The following SMARCA2 variants were observed in gnomAD, a reference collection of about 807,000 sequenced individuals.
SMARCA2 encodes SWI/SNF-related matrix-associated actin-dependent regulator of chromatin subfamily A member 2.
Under a neutral mutation model 199.8 loss-of-function variants are expected in SMARCA2, and 61 were observed. The ratio of observed to expected loss-of-function variants is 0.31; its 90% confidence interval spans 0.25 to 0.38. The LOEUF (loss-of-function observed/expected upper bound fraction) is 0.38, where lower values mean the gene tolerates loss of function less well. Ranked by LOEUF, SMARCA2 falls within the 10% of genes least tolerant of loss-of-function variation. The pLI is 1.00. For synonymous variants in SMARCA2, 935 were observed against 732.0 expected (o/e 1.28, Z -4.48); for missense variants, 1,344 against 2,012.2 (o/e 0.67, Z 6.35).
intron 29 of SMARCA2, 95 bp from the exon 30 acceptor site, chr9:2,181,476 A>C: frequency 1.4e-6 from 1 of 721,156 alleles, no homozygotes; most frequent in Non-Finnish European, 2.5e-6. Context: ...CGTGGAATAT[A>C]ATTTACTTTG....
intron 27 of SMARCA2, chr9:2,160,379 T>C (rs1397653577): frequency 1.9e-6 from 1 of 532,436 alleles, no homozygotes; most frequent in Admixed American, 3.2e-5. Flanking sequence ...GTTGCTTCTA[T>C]GGATTTGCAC....
At chr9:2,134,455 AC>A (rs1824107713) in intron 27 of SMARCA2, among the ~76,000 whole-genome samples, 1 of 152,004 alleles carries the variant, frequency 6.6e-6, no homozygotes, top group Non-Finnish European at 1.5e-5. Flanking sequence ...TTGGTTATTA[AC>A]TCTCTTTCCC....
intron 9 of SMARCA2, chr9:2,068,911 A>G (rs1820960727): frequency 6.6e-6 from 1 of 151,980 alleles, no homozygotes; most frequent in Non-Finnish European, 1.5e-5. Flanking sequence ...ACAAGATATG[A>G]CATAACCTTT....
chr9:2,098,675 G>A (rs758278817), intron 21 of SMARCA2, among the ~76,000 whole-genome samples: 2 of 152,090 alleles, frequency 1.3e-5, no homozygotes, highest in African/African-American at 2.4e-5. Context: ...TGGGTGCAGG[G>A]GGCTCACCCC....
At chr9:2,081,228 C>G (rs921539054) in intron 14 of SMARCA2, among the ~76,000 whole-genome samples, 9 of 152,142 alleles carry the variant, frequency 5.9e-5, no homozygotes, top group African/African-American at 2.2e-4. Flanking sequence ...TGTTTTTGTA[C>G]TTCAGAAATA....
At chr9:2,052,364 C>T (rs773956477) in intron 5 of SMARCA2, among the ~76,000 whole-genome samples, 3 of 152,192 alleles carry the variant, frequency 2.0e-5, no homozygotes, top group Non-Finnish European at 4.4e-5. Flanking sequence ...GCCCCAGCTA[C>T]ATGGGAGGCT....
At chr9:2,158,482 G>A (rs1214855440) in intron 27 of SMARCA2, 1 of 154,776 alleles carries the variant, frequency 6.5e-6, no homozygotes, top group East Asian at 1.9e-4. Flanking sequence ...AGGCAGTTGA[G>A]CATGGGAGCC....
chr9:2,015,569 C>G (rs1253333321), intron 1 of SMARCA2, among the ~76,000 whole-genome samples, 165 bp downstream of exon 1: 4 of 152,060 alleles, frequency 2.6e-5, no homozygotes, highest in Admixed American at 6.5e-5. Flanking sequence ...AACAAACAGG[C>G]GGGCCAACCG....
intron 21 of SMARCA2, among the ~76,000 whole-genome samples, chr9:2,097,763 A>G (rs1186032719): frequency 1.1e-4 from 17 of 152,216 alleles, no homozygotes; most frequent in Non-Finnish European, 1.2e-4. Context: ...TTGGGTAAGT[A>G]CTGTGAATTA....
chr9:2,058,558 G>C (rs1820453530), intron 8 of SMARCA2, 94 bp downstream of exon 8: 1 of 1,063,214 alleles, frequency 9.4e-7, no homozygotes. Flanking sequence ...AGGAAAAAAT[G>C]AAAACTGCTT....
chr9:2,039,810 C>A lies in SMARCA2; in HGVS notation c.700C>A (p.Gln234Lys), dbSNP rs1819516681. 6.2e-7 allele frequency: 1 copy of A among 1,607,438 alleles called. No homozygotes were observed. The highest frequency in any genetic ancestry group is 1.3e-5 in the African/African-American group (1 of 74,760). Residue 234 changes from glutamine (Q) to lysine (K), a missense_variant, in exon 4 of 34, where the codon CAG becomes AAG. By Grantham distance (53) the Gln-to-Lys change is moderately conservative. Around this residue, in one of 18 missense-constraint regions of SMARCA2, gnomAD observed 117 missense variants for 99.1 expected, o/e 1.18. Transcript: ENST00000349721. The surrounding 1 kb of genome is among the most constrained non-coding windows in gnomAD (Gnocchi z 4.8). ...QQQQQQQQQQQQQQQPQQQPP... is the reference protein window; with the variant it reads ...QQQQQQQQQQKQQQQPQQQPP... ...GCAGCAGCAGCAGCAGCAGCAGCAG[C>A]AGCAGCAACAGCAGCCGCAGCAGCA...
chr9:2,175,852 ATCC>A (rs1826545303), intron 29 of SMARCA2, among the ~76,000 whole-genome samples: 1 of 151,772 alleles, frequency 6.6e-6, no homozygotes, highest in African/African-American at 2.4e-5. Flanking sequence ...ACAATTTGAT[ATCC>A]TCTGTTTTTT....
intron 7 of SMARCA2, among the ~76,000 whole-genome samples, chr9:2,057,216 C>T (rs1016169419): frequency 1.5e-4 from 23 of 152,234 alleles, no homozygotes; most frequent in African/African-American, 4.3e-4. Context: ...CATGGCTGGG[C>T]TCTGGTGAGG....
intron 32 of SMARCA2, among the ~76,000 whole-genome samples, chr9:2,187,295 C>A (rs7026165): frequency 0.28 from 42,966 of 151,956 alleles, 6,521 homozygotes; most frequent in Non-Finnish European, 0.35. Flanking sequence ...ACCCAAGGTG[C>A]GTGCCTCCAT....
At chr9:2,094,257 G>A (rs1822178616) in intron 19 of SMARCA2, among the ~76,000 whole-genome samples, 1 of 152,186 alleles carries the variant, frequency 6.6e-6, no homozygotes, top group Non-Finnish European at 1.5e-5. Context: ...AATTGTGTGA[G>A]GAAAGAGACT....
chr9:2,072,602 A>G (rs77597841), intron 10 of SMARCA2, among the ~76,000 whole-genome samples: 1 of 152,218 alleles, frequency 6.6e-6, no homozygotes, highest in East Asian at 1.9e-4. Context: ...TCTGTTTTTC[A>G]TTCTCTCTGA....
At chr9:2,151,630 G>A (rs915444386) in intron 27 of SMARCA2, among the ~76,000 whole-genome samples, 16 of 152,122 alleles carry the variant, frequency 1.1e-4, no homozygotes, top group African/African-American at 3.1e-4. Context: ...GCTATTGGGA[G>A]GCTGAGACAT....
intron 27 of SMARCA2, chr9:2,158,970 G>C: frequency 6.2e-7 from 1 of 1,611,896 alleles, no homozygotes; most frequent in Non-Finnish European, 8.5e-7. Flanking sequence ...TAGTTTGAGG[G>C]GAATAATGGT....
chr9:2,120,872 T>C (rs908580945), intron 26 of SMARCA2, among the ~76,000 whole-genome samples: 37 of 152,216 alleles, frequency 2.4e-4, no homozygotes, highest in Non-Finnish European at 5.9e-5. Flanking sequence ...CATTCATAAA[T>C]TCTAGATTTC....
Sources: allele counts gnomAD v4.1 joint callset (sites outside exome capture counted in the v4.1 genomes callset), GRCh38; gene constraint gnomAD v4.1.1; regional missense constraint gnomAD v4.1.1; non-coding constraint Gnocchi (gnomAD v3.1); transcripts MANE v1.5; gene names NCBI Gene and HGNC (gene_info 2026-07-23, HGNC 2026-07-21).